DHRSX: variants seen among roughly 807,000 people sequenced by gnomAD.
The protein encoded by DHRSX is dehydrogenase/reductase X-linked.
Under a neutral mutation model 34.0 loss-of-function variants are expected in DHRSX, and 31 were observed. The observed-to-expected ratio is 0.91, with a 90% CI of 0.69 to 1.23. The LOEUF (loss-of-function observed/expected upper bound fraction) is 1.23. DHRSX is among the 50% of genes most tolerant of loss of function. The pLI, the probability that DHRSX is intolerant of heterozygous loss-of-function variation, is 0.00. For missense variants in DHRSX, 414 were observed against 428.1 expected, an observed-to-expected ratio of 0.97 and a Z score of 0.29; for synonymous variants, 201 against 183.8, an observed-to-expected ratio of 1.09 and a Z score of -0.76.
At chrX:2,415,086 C>T (rs1873376126) in intron 2 of DHRSX, among the ~76,000 whole-genome samples, 1 of 151,892 alleles carries the variant, frequency 6.6e-6, no homozygotes, top group African/African-American at 2.4e-5. Flanking sequence ...TAGATCTCAT[C>T]ATAACCTAAT....
intron 1 of DHRSX, among the ~76,000 whole-genome samples, chrX:2,480,824 T>A (rs1402355503): frequency 3.3e-5 from 5 of 150,288 alleles, no homozygotes; most frequent in African/African-American, 7.3e-5. Context: ...TCAAAAAAAA[T>A]AAATTACATT....
At chrX:2,274,738 C>G (rs1354168291) in intron 4 of DHRSX, among the ~76,000 whole-genome samples, 1 of 151,998 alleles carries the variant, frequency 6.6e-6, no homozygotes, top group Admixed American at 6.6e-5. Context: ...GCCACGCACC[C>G]GTATTTTAAA....
At chrX:2,229,505 TG>T (rs1341711291) in intron 6 of DHRSX, among the ~76,000 whole-genome samples, 1 of 152,044 alleles carries the variant, frequency 6.6e-6, no homozygotes, top group Non-Finnish European at 1.5e-5. Flanking sequence ...GTTTCGGGGC[TG>T]GATGTTTTCT....
At chrX:2,347,562 C>T (rs1398780882) in intron 3 of DHRSX, among the ~76,000 whole-genome samples, 4 of 152,158 alleles carry the variant, frequency 2.6e-5, no homozygotes, top group East Asian at 1.9e-4. Flanking sequence ...TGCATGGTGG[C>T]GGGCACCTGT....
At chrX:2,375,335 G>A (rs762907615) in intron 3 of DHRSX, among the ~76,000 whole-genome samples, 3 of 138,148 alleles carry the variant, frequency 2.2e-5, no homozygotes, top group Admixed American at 1.4e-4. Flanking sequence ...TGCACACCGC[G>A]GCTGTGAAAT....
Position 2,372,283 on chromosome X carries a change from A to G in DHRSX, c.286+36462T>C, listed in dbSNP as rs576536662. ...TGCTTCTAGTTTTGAGGCGAAATAC[A>G]TGACTGATAAAACCCTTTTGTATTA... On this transcript the variant is annotated intron_variant, in intron 3 of 6. Coordinates refer to ENST00000334651, the MANE Select transcript of DHRSX (RefSeq NM_145177.3). 2.0e-4 allele frequency among the ~76,000 whole-genome samples: 30 copies of G among 152,240 alleles called. 1 individual carries two copies. In the South Asian group the frequency reaches 6.0e-3, roughly 30 times the overall value.
intron 3 of DHRSX, among the ~76,000 whole-genome samples, chrX:2,296,488 A>G (rs2041933006): frequency 1.3e-5 from 2 of 150,526 alleles, no homozygotes; most frequent in Non-Finnish European, 2.9e-5. Context: ...CCAGGCAGAT[A>G]GGAATAGGAC....
intron 1 of DHRSX, among the ~76,000 whole-genome samples, chrX:2,464,324 GGTTCCCT>G (rs1569503911): frequency 3.4e-5 from 5 of 147,864 alleles, no homozygotes; most frequent in Non-Finnish European, 7.5e-5. Context: ...ACACTGAAGA[GGTTCCCT>G]AGCAATCCGG....
chrX:2,245,090 G>A (rs1367575958), intron 5 of DHRSX, among the ~76,000 whole-genome samples: 1 of 152,104 alleles, frequency 6.6e-6, no homozygotes, highest in Non-Finnish European at 1.5e-5. Context: ...CCAAAAGCGG[G>A]AAGCTCAAAG....
At chrX:2,330,965 C>T (rs758153603) in intron 3 of DHRSX, among the ~76,000 whole-genome samples, 4 of 152,260 alleles carry the variant, frequency 2.6e-5, no homozygotes, top group East Asian at 1.9e-4. Context: ...ACTTATCACA[C>T]GTCCAAGGAG....
At chrX:2,496,133 T>C (rs1346332628) in intron 1 of DHRSX, among the ~76,000 whole-genome samples, 1 of 152,244 alleles carries the variant, frequency 6.6e-6, no homozygotes, top group Non-Finnish European at 1.5e-5. Context: ...GTGGTGGCGA[T>C]AGTTAATAGT....
chrX:2,406,151 G>A (rs2043552046), intron 3 of DHRSX, among the ~76,000 whole-genome samples: 1 of 151,826 alleles, frequency 6.6e-6, no homozygotes, highest in Non-Finnish European at 1.5e-5. Context: ...AATTAGCTGG[G>A]CATGGTCGCC....
intron 1 of DHRSX, among the ~76,000 whole-genome samples, chrX:2,431,356 C>G (rs1265851952): frequency 2.0e-5 from 3 of 151,926 alleles, no homozygotes; most frequent in South Asian, 2.1e-4. Context: ...AAAAAAACCC[C>G]CAAACTTTGT....
intron 3 of DHRSX, among the ~76,000 whole-genome samples, chrX:2,309,618 G>GA (rs1228749726): frequency 1.3e-5 from 2 of 152,254 alleles, no homozygotes; most frequent in South Asian, 2.1e-4. Flanking sequence ...GGGCTAATTT[G>GA]AAAATCATCA....
intron 6 of DHRSX, among the ~76,000 whole-genome samples, chrX:2,240,622 A>G (rs1199408082): frequency 6.6e-6 from 1 of 151,976 alleles, no homozygotes; most frequent in Non-Finnish European, 1.5e-5. Context: ...TAGACGCCCA[A>G]GGAATTTTGA....
At chrX:2,411,554 C>CAAAAAA (rs774788900) in intron 2 of DHRSX, among the ~76,000 whole-genome samples, 1 of 55,556 alleles carries the variant, frequency 1.8e-5, no homozygotes, top group Non-Finnish European at 3.7e-5. Flanking sequence ...AACTCTGTCC[C>CAAAAAA]AAAAAAAAAA....
chrX:2,305,483 T>C (rs2042087694), intron 3 of DHRSX, among the ~76,000 whole-genome samples: 1 of 152,106 alleles, frequency 6.6e-6, no homozygotes, highest in African/African-American at 2.4e-5. Flanking sequence ...AGCAATCCCA[T>C]GACTGGGTAT....
intron 2 of DHRSX, 101 bp downstream of exon 2, chrX:2,425,096 C>T: frequency 1.2e-6 from 1 of 865,942 alleles, no homozygotes; most frequent in Non-Finnish European, 1.9e-6. Flanking sequence ...GCCAAGATTG[C>T]ACCACTGCAG....
chrX:2,230,658 GAGA>G (rs1166007563), intron 6 of DHRSX, among the ~76,000 whole-genome samples: 2 of 152,140 alleles, frequency 1.3e-5, no homozygotes, highest in Admixed American at 1.3e-4. Flanking sequence ...ACCTCATCAG[GAGA>G]AGGCCTTCAC....
Sources: allele counts gnomAD v4.1 joint callset (sites outside exome capture counted in the v4.1 genomes callset), GRCh38; gene constraint gnomAD v4.1.1; transcripts MANE v1.5; gene names NCBI Gene and HGNC (gene_info 2026-07-23, HGNC 2026-07-21).